Variants in CTNNA3 observed in about 807,000 individuals in gnomAD.
CTNNA3 encodes catenin alpha 3.
In CTNNA3, 76 loss-of-function variants were observed where a neutral mutation model predicts 95.7. The ratio of observed to expected loss-of-function variants is 0.79; its 90% CI spans 0.66 to 0.96. CTNNA3 has a LOEUF of 0.96. Among genes scored for constraint, CTNNA3 ranks in the 40% least tolerant of loss-of-function variants. The pLI, the probability that CTNNA3 is intolerant of heterozygous loss-of-function variation, is 0.00. For synonymous variants in CTNNA3, 431 were observed against 374.4 expected, an observed-to-expected ratio of 1.15 and a Z score of -1.74; for missense variants, 1,191 against 1,089.8, an observed-to-expected ratio of 1.09 and a Z score of -1.31.
chr10:67,486,224 G>C (rs1848443501), intron 5 of CTNNA3, among the ~76,000 whole-genome samples: 2 of 152,158 alleles, frequency 1.3e-5, no homozygotes, highest in African/African-American at 4.8e-5. Context: ...AGGCGTGCTG[G>C]ATGAAGTTGA....
chr10:67,618,429 T>C (rs1241174803), intron 2 of CTNNA3, among the ~76,000 whole-genome samples: 1 of 152,198 alleles, frequency 6.6e-6, no homozygotes, highest in Non-Finnish European at 1.5e-5. Flanking sequence ...ATAAATTGAA[T>C]AAACTATGCC....
chr10:67,075,482 G>A (rs564313838), intron 7 of CTNNA3, among the ~76,000 whole-genome samples: 1 of 152,158 alleles, frequency 6.6e-6, no homozygotes, highest in Non-Finnish European at 1.5e-5. Context: ...AGATGGAAAA[G>A]AGATAAGAAA....
intron 14 of CTNNA3, among the ~76,000 whole-genome samples, chr10:66,080,834 G>A (rs916810609): frequency 2.6e-5 from 4 of 152,138 alleles, no homozygotes; most frequent in Non-Finnish European, 2.9e-5. Context: ...GGTACTTACT[G>A]AATAGGCTTC....
At chr10:67,337,937 G>A (rs1403026410) in intron 5 of CTNNA3, among the ~76,000 whole-genome samples, 6 of 152,212 alleles carry the variant, frequency 3.9e-5, no homozygotes, top group Non-Finnish European at 8.8e-5. Flanking sequence ...AAATTTGAGC[G>A]ACACTTTATT....
chr10:66,217,077 C>T (rs73313964), intron 13 of CTNNA3, among the ~76,000 whole-genome samples: 5,096 of 152,138 alleles, frequency 0.033, 282 homozygotes, highest in African/African-American at 0.12. Flanking sequence ...GTCATACAGC[C>T]GGGCGCGTTG....
In CTNNA3 at chr10:67,696,069, CT is replaced by C. The variant is rs1840958769; in HGVS notation, c.-76del. The C allele has an allele frequency of 6.6e-6, 1 of 151,514 alleles. No individual in the cohort carries two copies. Among genetic ancestry groups the C allele is most frequent in the Admixed American group, 6.6e-5 (1 of 15,182 alleles). 9.4% of individuals were successfully genotyped at this position (151,514 alleles called of 1,614,324 possible). ...CCCGTAGGGAATTTTCCAAAAAGAG[CT>C]TTGTGGGGGACGGAAAAAGGCTTCT... is the stretch of plus-strand genomic sequence containing the variant. On this transcript the variant is annotated 5_prime_UTR_variant, in exon 1 of 18. Coordinates refer to ENST00000433211, the MANE Select transcript of CTNNA3 (RefSeq NM_013266.4).
intron 5 of CTNNA3, among the ~76,000 whole-genome samples, chr10:67,367,719 A>G (rs193300566): frequency 4.3e-4 from 65 of 152,324 alleles, no homozygotes; most frequent in Non-Finnish European, 2.8e-4. Context: ...CAGTATGCCC[A>G]TAAAAAATAA....
chr10:66,825,564 C>A (rs1487664476), intron 7 of CTNNA3, among the ~76,000 whole-genome samples: 6 of 152,094 alleles, frequency 3.9e-5, no homozygotes, highest in Non-Finnish European at 7.3e-5. Flanking sequence ...AGGCATGAAC[C>A]ACCGCACCTA....
intron 5 of CTNNA3, among the ~76,000 whole-genome samples, chr10:67,424,564 T>C (rs915662253): frequency 2.0e-5 from 3 of 152,132 alleles, no homozygotes; most frequent in African/African-American, 7.2e-5. Context: ...TTATATAACA[T>C]TTGCTAAGGC....
intron 7 of CTNNA3, among the ~76,000 whole-genome samples, chr10:67,089,136 A>G (rs959960439): frequency 6.6e-6 from 1 of 151,992 alleles, no homozygotes; most frequent in Non-Finnish European, 1.5e-5. Context: ...AGGTTTTGCT[A>G]TCGGGAGTCC....
At chr10:66,594,985 T>C (rs895909962) in intron 10 of CTNNA3, among the ~76,000 whole-genome samples, 18 of 152,142 alleles carry the variant, frequency 1.2e-4, no homozygotes, top group Admixed American at 5.9e-4. Flanking sequence ...ATGTTAGCAA[T>C]TATTATCCAC....
At chr10:66,847,873 T>C (rs894325052) in intron 7 of CTNNA3, among the ~76,000 whole-genome samples, 5 of 152,142 alleles carry the variant, frequency 3.3e-5, no homozygotes, top group Non-Finnish European at 7.4e-5. Flanking sequence ...TAGGAATTAA[T>C]AGATAATGTA....
At chr10:67,625,059 C>A (rs753950936) in intron 2 of CTNNA3, among the ~76,000 whole-genome samples, 35 of 152,246 alleles carry the variant, frequency 2.3e-4, no homozygotes, top group Middle Eastern at 3.4e-3. Flanking sequence ...CTCTGCCATC[C>A]AGTGGGCATG....
intron 12 of CTNNA3, among the ~76,000 whole-genome samples, chr10:66,325,451 C>T (rs2092242833): frequency 6.6e-6 from 1 of 151,958 alleles, no homozygotes; most frequent in South Asian, 2.1e-4. Flanking sequence ...CCCTATGTTG[C>T]CCAAGGTGGT....
At chr10:66,286,230 C>A (rs1450787534) in intron 12 of CTNNA3, among the ~76,000 whole-genome samples, 1 of 152,040 alleles carries the variant, frequency 6.6e-6, no homozygotes, top group East Asian at 1.9e-4. Flanking sequence ...CCTAAATATT[C>A]TAGTTGCTCT....
intron 9 of CTNNA3, 109 bp downstream of exon 9, chr10:66,766,155 T>C (rs1398412025): frequency 1.3e-5 from 14 of 1,080,662 alleles, no homozygotes; most frequent in Non-Finnish European, 1.9e-5. Context: ...CTCTGCTGTA[T>C]TTGTAACACG....
chr10:66,259,721 A>G (rs762364118), intron 13 of CTNNA3, among the ~76,000 whole-genome samples: 1 of 152,150 alleles, frequency 6.6e-6, no homozygotes, highest in Non-Finnish European at 1.5e-5. Flanking sequence ...TCTCTGCTGC[A>G]ATCTCCAGTG....
rs189783405 is a variant in CTNNA3 at position 66,420,075 on chromosome 10, G to A, written c.1532-40723C>T. Among the ~76,000 whole-genome samples, 154 of 152,172 alleles carry A rather than the reference G, an allele frequency of 1.0e-3. 1 individual carries two copies. Among genetic ancestry groups the A allele is most frequent in the African/African-American group, 3.4e-3 (140 of 41,536 alleles). On this transcript the variant is annotated intron_variant, in intron 11 of 17. Transcript: ENST00000433211. ...AATCAAAAACTTCTGCATAGCAAAG[G>A]AAACAATCAAAAGAGTAAAGAAACC...
At chr10:67,196,149 G>A (rs1287225181) in intron 6 of CTNNA3, among the ~76,000 whole-genome samples, 1 of 152,030 alleles carries the variant, frequency 6.6e-6, no homozygotes, top group Admixed American at 6.6e-5. Flanking sequence ...AAATGCTATT[G>A]AGAGAGCTCA....
Sources: gnomAD v4.1 joint callset for allele counts (sites outside exome capture counted in the v4.1 genomes callset) on GRCh38, gnomAD v4.1.1 for gene constraint, MANE v1.5 for transcripts, NCBI Gene and HGNC (gene_info 2026-07-23, HGNC 2026-07-21) for gene names.